The following MYOM3 variants were observed in gnomAD, a reference collection of about 807,000 sequenced individuals.
MYOM3 encodes myomesin 3.
In MYOM3, 155 loss-of-function variants were observed where a neutral mutation model predicts 191.7. The ratio of observed to expected loss-of-function variants is 0.81; its 90% CI spans 0.71 to 0.92. MYOM3 has a LOEUF of 0.92. Ranked by LOEUF, MYOM3 falls within the 40% of genes least tolerant of loss-of-function variation. The pLI is 0.00. For synonymous variants in MYOM3, 757 were observed against 762.9 expected, an observed-to-expected ratio of 0.99 and a Z score of 0.13; for missense variants, 1,889 against 1,890.6, an observed-to-expected ratio of 1.00 and a Z score of 0.02.
At position 24,061,275 on chromosome 1, in the gene MYOM3, C is replaced by T. The variant is rs767861269; in HGVS notation, c.3969G>A (p.Leu1323=). ...TGAGAAATGTAGAGGAAACTTACTT[C>T]AGTCTCTGGTGTTCAGCCATTGCAT... The part of the protein sequence containing the change: ...FEDAMAEHQR[L]KTLAIIEKNR... Residue 1323 remains leucine, a splice_region_variant and synonymous_variant, in exon 34 of 37, where the codon CTG becomes CTA. Transcript: ENST00000374434. 9.3e-6 allele frequency: 15 copies of T among 1,614,004 alleles called. No homozygotes were observed. The Admixed American group carries it at 2.2e-4, about 23-fold the overall frequency.
intron 5 of MYOM3, among the ~76,000 whole-genome samples, chr1:24,105,477 C>T (rs954953444): frequency 2.0e-5 from 3 of 152,230 alleles, no homozygotes; most frequent in African/African-American, 4.8e-5. Flanking sequence ...TCATCCTCAA[C>T]CCTGGAGACG....
chr1:24,101,741 G>T (rs139699025), intron 5 of MYOM3, among the ~76,000 whole-genome samples: 2 of 152,188 alleles, frequency 1.3e-5, no homozygotes, highest in African/African-American at 4.8e-5. Context: ...GATAGAGCAA[G>T]ACCCTGTCTC....
intron 7 of MYOM3, 30 bp downstream of exon 7, chr1:24,097,893 G>T: frequency 6.8e-7 from 1 of 1,464,138 alleles, no homozygotes; most frequent in Non-Finnish European, 9.6e-7. Flanking sequence ...GCTGTGGCCC[G>T]GAGTGCCTGT....
chr1:24,085,348 GGATA>G (rs1643726425), intron 15 of MYOM3, among the ~76,000 whole-genome samples: 3 of 152,220 alleles, frequency 2.0e-5, no homozygotes, highest in Admixed American at 2.0e-4. Context: ...ATGAATAAAT[GGATA>G]GATGGATGGA....
At chr1:24,100,934 A>G (rs1643907503) in intron 5 of MYOM3, among the ~76,000 whole-genome samples, 1 of 152,058 alleles carries the variant, frequency 6.6e-6, no homozygotes, top group African/African-American at 2.4e-5. Context: ...TTTTGAACAT[A>G]CGGCTGTGGG....
At chr1:24,094,621 C>T (rs979176349) in intron 9 of MYOM3, among the ~76,000 whole-genome samples, 11 of 152,268 alleles carry the variant, frequency 7.2e-5, no homozygotes, top group African/African-American at 2.6e-4. Flanking sequence ...TACCATTTAC[C>T]CCAGCCCTAA....
At position 24,093,060 on chromosome 1, in the gene MYOM3, C is replaced by T. The variant is rs1248558781; in HGVS notation, c.977G>A (p.Arg326His). Residue 326 changes from arginine to histidine, a missense_variant, in exon 10 of 37, where the codon CGC becomes CAC. Physicochemically the swap from Arg to His is conservative, Grantham distance 29. Coordinates refer to ENST00000374434, the MANE Select transcript of MYOM3 (RefSeq NM_152372.4). ...GCAGGACACCTTCAGGGATGCCTGG[C>T]GGTCTGTGTAGAGGATCTTCCGACG... is the stretch of plus-strand genomic sequence containing the variant. ...SRRRKILYTD[R>H]QASLKVSCTY... The T allele has an allele frequency of 4.3e-6, 7 of 1,612,718 alleles. No individual in the cohort carries two copies. The highest frequency in any genetic ancestry group is 2.2e-5 in the East Asian group (1 of 44,854).
At chr1:24,108,452 G>A (rs1557619995) in intron 2 of MYOM3, 24 bp downstream of exon 2, 1 of 1,523,134 alleles carries the variant, frequency 6.6e-7, no homozygotes, top group Non-Finnish European at 8.8e-7. Flanking sequence ...GGCAGTGGCT[G>A]GGCGGGGACC....
chr1:24,066,126 C>T lies in MYOM3; in HGVS notation c.3424-125G>A, dbSNP rs1205081580. 3 of 748,550 alleles carry T rather than the reference C, an allele frequency of 4.0e-6. No homozygotes were observed. In the Admixed American group the frequency reaches 5.8e-5, roughly 14 times the overall value. 46.4% of individuals were successfully genotyped at this position (748,550 alleles called of 1,614,324 possible). On this transcript the variant is annotated intron_variant, in intron 28 of 36. Transcript: ENST00000374434. The stretch of plus-strand genomic sequence containing the variant: ...ACATACCATGTGTCTCCTCTGCTGG[C>T]CTCTGGACTCTGAATTCTTGCTAAT...
intron 10 of MYOM3, 62 bp downstream of exon 10, chr1:24,092,885 C>T: frequency 7.1e-7 from 1 of 1,408,068 alleles, no homozygotes. Context: ...CCACAGCAAA[C>T]AAGGGGCAGA....
rs1643749101 is a variant in MYOM3, at chr1:24,086,533, G to A, written c.1798+111C>T. 2.7e-6 allele frequency: 3 copies of A among 1,093,500 alleles called. No homozygotes were observed. In the African/African-American group the frequency reaches 4.7e-5, roughly 17 times the overall value. The allele number at this position is 1,093,500 out of a possible 1,614,324, so 67.7% of individuals were successfully genotyped here. ...TCAAATTGCTTTTCAGCTTCATGAT[G>A]GGTAGAAGGGAGCGGGGACAGGGAA... On this transcript the variant is annotated intron_variant, in intron 15 of 36. Coordinates refer to ENST00000374434, the MANE Select transcript of MYOM3 (RefSeq NM_152372.4).
intron 25 of MYOM3, among the ~76,000 whole-genome samples, chr1:24,069,096 C>T (rs2148545078): frequency 6.6e-6 from 1 of 152,234 alleles, no homozygotes; most frequent in East Asian, 1.9e-4. Context: ...AAAAAAAATA[C>T]TCGTGTACTT....
intron 20 of MYOM3, among the ~76,000 whole-genome samples, chr1:24,077,271 C>T (rs1421895129): frequency 6.6e-6 from 1 of 152,206 alleles, no homozygotes; most frequent in Admixed American, 6.5e-5. Flanking sequence ...CTGTCTTTCC[C>T]TCTGCCAATC....
Position 24,075,370 on chromosome 1 carries a change from T to A in MYOM3, c.2807A>T (p.Tyr936Phe). The change falls in exon 22 of 37, where the codon TAC becomes TTC. Residue 936 changes from tyrosine to phenylalanine, a missense_variant. Coordinates refer to ENST00000374434, the MANE Select transcript of MYOM3 (RefSeq NM_152372.4). The part of the protein sequence containing the change: ...DSSEFQWSKD[Y>F]KGPLDPQRVK... ...CCTCTGGGGGTCCAGTGGGCCCTTG[T>A]AGTCTTTGGACCACTGAAACTCTGA... The A allele has an allele frequency of 6.2e-7, 1 of 1,613,014 alleles. No individual in the cohort carries two copies. The highest frequency in any genetic ancestry group is 8.5e-7 in the Non-Finnish European group (1 of 1,179,846).
chr1:24,108,341 CA>C, intron 2 of MYOM3, 134 bp downstream of exon 2: 1 of 996,988 alleles, frequency 1.0e-6, no homozygotes. Context: ...CCCCCTCAGA[CA>C]GGGGGTTCAG....
intron 20 of MYOM3, among the ~76,000 whole-genome samples, chr1:24,076,982 C>A (rs538674976): frequency 4.5e-4 from 69 of 152,148 alleles, no homozygotes; most frequent in African/African-American, 1.5e-3. Flanking sequence ...CCACCATGCC[C>A]GGCTGAGTTT....
rs1320077625 is a variant in MYOM3 at position 24,100,979 on chromosome 1, A to G, written c.561-1204T>C. Among the ~76,000 whole-genome samples the G allele has an allele frequency of 2.6e-5, 4 of 152,224 alleles. No homozygotes were observed. The East Asian group carries it at 7.7e-4, about 29-fold the overall frequency. ...CGGAAACTGCTAATTATTCTCCAATAGCCATTCTCGGGGGAAACAGAATTT... is the reference window on the plus strand; with the variant it reads ...CGGAAACTGCTAATTATTCTCCAATGGCCATTCTCGGGGGAAACAGAATTT... On this transcript the variant is annotated intron_variant, in intron 5 of 36. Coordinates refer to ENST00000374434, the MANE Select transcript of MYOM3 (RefSeq NM_152372.4).
chr1:24,062,651 CAGTT>C (rs973598403), intron 32 of MYOM3, among the ~76,000 whole-genome samples: 2 of 152,192 alleles, frequency 1.3e-5, no homozygotes, highest in African/African-American at 4.8e-5. Flanking sequence ...CCCTGGCTCT[CAGTT>C]AGTGGCCAGC....
chr1:24,057,255 C>T lies in MYOM3; in HGVS notation c.*109G>A, dbSNP rs1273419777. The stretch of plus-strand genomic sequence containing the variant: ...TCACATCCTGGGTTCTATCTTGTCC[C>T]CTTTCCTTCTGCCCCACCCCTGTAG... On this transcript the variant is annotated 3_prime_UTR_variant, in exon 37 of 37. Transcript: ENST00000374434. 1 of 1,153,572 alleles carries T rather than the reference C, an allele frequency of 8.7e-7. No individual in the cohort carries two copies. Among genetic ancestry groups the T allele is most frequent in the African/African-American group, 1.5e-5 (1 of 65,464 alleles). The allele number at this position is 1,153,572 out of a possible 1,614,324, so 71.5% of individuals were successfully genotyped here. A position where few individuals can be genotyped will look rare whatever the true frequency, so the allele number is the denominator to read the frequency against.
Sources: allele counts gnomAD v4.1 joint callset (sites outside exome capture counted in the v4.1 genomes callset), GRCh38; gene constraint gnomAD v4.1.1; transcripts MANE v1.5; gene names NCBI Gene and HGNC (gene_info 2026-07-23, HGNC 2026-07-21).